The following AVL9 variants were observed in gnomAD, a reference collection of about 807,000 sequenced individuals.
AVL9 encodes late secretory pathway protein AVL9 homolog.
A neutral mutation model predicts 79.2 loss-of-function variants in AVL9; 49 were observed. The observed-to-expected ratio is 0.62, with a 90% CI of 0.49 to 0.79. The LOEUF is 0.79. Ranked by LOEUF, AVL9 falls within the 30% of genes least tolerant of loss-of-function variation. The pLI, the probability that AVL9 is intolerant of heterozygous loss-of-function variation, is 0.00. For missense variants in AVL9, 682 were observed against 776.8 expected (o/e 0.88, Z 1.45); for synonymous variants, 299 against 280.6 (o/e 1.07, Z -0.65).
intron 1 of AVL9, among the ~76,000 whole-genome samples, chr7:32,511,074 G>A (rs199552820): frequency 6.9e-6 from 1 of 145,382 alleles, no homozygotes; most frequent in African/African-American, 2.5e-5. Context: ...CACAGTCCTG[G>A]CACTTCTGAA....
chr7:32,523,354 A>T (rs978159447), intron 1 of AVL9, among the ~76,000 whole-genome samples: 1 of 151,832 alleles, frequency 6.6e-6, no homozygotes, highest in Non-Finnish European at 1.5e-5. Context: ...ATGAAAATTG[A>T]TAAAAATTAA....
At chr7:32,534,630 A>G (rs941611043) in intron 1 of AVL9, 10 of 152,344 alleles carry the variant, frequency 6.6e-5, no homozygotes, top group African/African-American at 2.4e-4. Flanking sequence ...GAGGTTTGTT[A>G]TGCAGATTGA....
Position 32,497,121 on chromosome 7 carries a change from C to T in AVL9, c.93+1319C>T, listed in dbSNP as rs573363337. 2.0e-5 allele frequency among the ~76,000 whole-genome samples: 3 copies of T among 151,770 alleles called. No homozygotes were observed. In the East Asian group the frequency reaches 5.9e-4, roughly 30 times the overall value. On this transcript the variant is annotated intron_variant, in intron 1 of 15. Coordinates refer to ENST00000318709, the MANE Select transcript of AVL9 (RefSeq NM_015060.3). Reference sequence around the variant, plus strand: ...TCTCAATCCCAGCACTTTGGGAGGCCGAGGCGGGTGGATCACCTGAGGTGA... The same window carrying T: ...TCTCAATCCCAGCACTTTGGGAGGCTGAGGCGGGTGGATCACCTGAGGTGA...
chr7:32,530,251 A>G (rs183536172), intron 1 of AVL9, among the ~76,000 whole-genome samples: 10 of 152,340 alleles, frequency 6.6e-5, no homozygotes, highest in African/African-American at 2.4e-4. Context: ...GTCAAAGTCT[A>G]ATACATTTAA....
At chr7:32,503,369 T>TAGAGAG (rs1237567459) in intron 1 of AVL9, among the ~76,000 whole-genome samples, 4 of 101,330 alleles carry the variant, frequency 3.9e-5, no homozygotes, top group Non-Finnish European at 5.7e-5. Flanking sequence ...GAGATATATA[T>TAGAGAG]ATATACACAC....
At position 32,586,212 on chromosome 7, in the gene AVL9, C is replaced by T. The variant is rs572210527; in HGVS notation, c.*2305C>T. On this transcript the variant is annotated 3_prime_UTR_variant, in exon 16 of 16. Coordinates refer to ENST00000318709, the MANE Select transcript of AVL9 (RefSeq NM_015060.3). ...TTCCTCATTGAATATACACTTTGAT[C>T]GGACTTTCTATTAACATTTCTAGCT... 6.6e-6 allele frequency: 1 copy of T among 152,302 alleles called. No homozygotes were observed. Among genetic ancestry groups the T allele is most frequent in the African/African-American group, 2.4e-5 (1 of 41,556 alleles). The allele number at this position is 152,302 out of a possible 1,614,324, so 9.4% of individuals were successfully genotyped here. A position where few individuals can be genotyped will look rare whatever the true frequency, so the allele number is the denominator to read the frequency against.
chr7:32,557,538 G>A (rs1004090), intron 8 of AVL9, among the ~76,000 whole-genome samples: 76,333 of 152,024 alleles, frequency 0.5, 20,901 homozygotes, highest in Admixed American at 0.65. Context: ...TGTTTGTTTT[G>A]TTGTGGCTAG....
At chr7:32,537,112 G>A (rs1056809642) in intron 1 of AVL9, 4 of 152,172 alleles carry the variant, frequency 2.6e-5, no homozygotes, top group African/African-American at 9.7e-5. Flanking sequence ...ATGGCTGAAA[G>A]TTCCATCCCT....
chr7:32,575,026 C>A (rs1385458153), intron 12 of AVL9, among the ~76,000 whole-genome samples: 1 of 152,166 alleles, frequency 6.6e-6, no homozygotes, highest in Non-Finnish European at 1.5e-5. Context: ...CATATGGATG[C>A]TTTCCCATGG....
At chr7:32,526,551 C>T (rs560931700) in intron 1 of AVL9, among the ~76,000 whole-genome samples, 2 of 152,216 alleles carry the variant, frequency 1.3e-5, no homozygotes, top group East Asian at 1.9e-4. Context: ...AAACACTTAC[C>T]CTTTTGTCAG....
At chr7:32,560,837 G>A (rs1790301700) in intron 10 of AVL9, among the ~76,000 whole-genome samples, 1 of 152,058 alleles carries the variant, frequency 6.6e-6, no homozygotes, top group South Asian at 2.1e-4. Flanking sequence ...TTGATCCATG[G>A]GCTCCAAAAT....
At chr7:32,575,303 C>T (rs893837228) in intron 12 of AVL9, among the ~76,000 whole-genome samples, 6 of 152,030 alleles carry the variant, frequency 3.9e-5, no homozygotes, top group African/African-American at 4.8e-5. Flanking sequence ...TTTGCCATGT[C>T]GGCCAGGCTG....
At chr7:32,504,896 C>T (rs56051642) in intron 1 of AVL9, among the ~76,000 whole-genome samples, 28,993 of 151,784 alleles carry the variant, frequency 0.19, 3,066 homozygotes, top group South Asian at 0.31. Context: ...TTTTTTGAGA[C>T]GGAGTCTCGC....
At chr7:32,509,810 A>C (rs1296074267) in intron 1 of AVL9, among the ~76,000 whole-genome samples, 1 of 152,184 alleles carries the variant, frequency 6.6e-6, no homozygotes, top group Non-Finnish European at 1.5e-5. Context: ...AGATCACACC[A>C]CTGTACTCCA....
At chr7:32,522,249 G>C (rs1049098423) in intron 1 of AVL9, among the ~76,000 whole-genome samples, 6 of 152,176 alleles carry the variant, frequency 3.9e-5, no homozygotes, top group Non-Finnish European at 5.9e-5. Context: ...CTTGCACCAT[G>C]TGCCTGGAAA....
chr7:32,575,611 A>G (rs183530376), intron 12 of AVL9, among the ~76,000 whole-genome samples: 1 of 152,316 alleles, frequency 6.6e-6, no homozygotes, highest in Non-Finnish European at 1.5e-5. Context: ...TTCACTGTCA[A>G]GCATACAGTT....
intron 13 of AVL9, among the ~76,000 whole-genome samples, chr7:32,579,404 T>C (rs1240710755): frequency 5.0e-4 from 7 of 14,048 alleles, no homozygotes; most frequent in African/African-American, 1.3e-3. Context: ...TGTTATATAT[T>C]ATATATAATA....
chr7:32,503,331 T>G (rs1028178857), intron 1 of AVL9, among the ~76,000 whole-genome samples: 7 of 104,712 alleles, frequency 6.7e-5, no homozygotes, highest in East Asian at 3.0e-4. Flanking sequence ...TATATATATA[T>G]ATCTATATAT....
At position 32,585,523 on chromosome 7, in the gene AVL9, T is replaced by C. The variant is rs1302967214; in HGVS notation, c.*1616T>C. The C allele has an allele frequency of 1.3e-5, 2 of 152,218 alleles. No homozygotes were observed. Among genetic ancestry groups the C allele is most frequent in the African/African-American group, 4.8e-5 (2 of 41,452 alleles). The allele number at this position is 152,218 out of a possible 1,614,324, so 9.4% of individuals were successfully genotyped here. A position where few individuals can be genotyped will look rare whatever the true frequency, so the allele number is the denominator to read the frequency against. On this transcript the variant is annotated 3_prime_UTR_variant, in exon 16 of 16. Coordinates refer to ENST00000318709, the MANE Select transcript of AVL9 (RefSeq NM_015060.3). ...CTGCCTTTTAGTAACAAGGGATACT[T>C]GGGAAATACATTGTGAGTATGATCT... is the stretch of plus-strand genomic sequence containing the variant.
Sources: gnomAD v4.1 joint callset for allele counts (sites outside exome capture counted in the v4.1 genomes callset) on GRCh38, gnomAD v4.1.1 for gene constraint, MANE v1.5 for transcripts, NCBI Gene and HGNC (gene_info 2026-07-23, HGNC 2026-07-21) for gene names.